Variants in PCNX1 observed in about 807,000 individuals in gnomAD.
PCNX1 encodes the protein pecanex 1.
A neutral mutation model predicts 242.2 loss-of-function variants in PCNX1; 78 were observed. That is an observed-to-expected ratio of 0.32 (90% CI 0.27 to 0.39). The LOEUF is 0.39. PCNX1 is among the 10% of genes least tolerant of loss of function. PCNX1 has a pLI of 1.00. For synonymous variants in PCNX1, 1,024 were observed against 1,032.9 expected, an observed-to-expected ratio of 0.99 and a Z score of 0.17; for missense variants, 2,581 against 2,856.5, an observed-to-expected ratio of 0.90 and a Z score of 2.20.
At chr14:71,003,207 G>C (rs2332506) in intron 8 of PCNX1, among the ~76,000 whole-genome samples, 82,480 of 150,636 alleles carry the variant, frequency 0.55, 23,627 homozygotes, top group East Asian at 0.74. Flanking sequence ...CCTCAGCCCC[G>C]CAAGTAGCTG....
Position 71,109,812 on chromosome 14 carries a change from G to T in PCNX1, c.6903G>T (p.Val2301=), listed in dbSNP as rs1177226449. The change falls in exon 36 of 36, where the codon GTG becomes GTT. Residue 2301 remains valine (V), a synonymous_variant. Coordinates refer to ENST00000304743, the MANE Select transcript of PCNX1 (RefSeq NM_014982.3). ...ATCATTAGGTGATTCACCGATGGGT[G>T]CCTTGCAGCAGAGATCCAGGTACCA... is the stretch of plus-strand genomic sequence containing the variant. The part of the protein sequence containing the change: ...GMEGHVIHRW[V]PCSRDPGTRS... The T allele has an allele frequency of 1.2e-6, 2 of 1,613,610 alleles. No homozygotes were observed. The highest frequency in any genetic ancestry group is 2.2e-5 in the East Asian group (1 of 44,882).
chr14:71,064,945 A>G (rs1473709719), intron 26 of PCNX1, among the ~76,000 whole-genome samples: 1 of 152,084 alleles, frequency 6.6e-6, no homozygotes, highest in Non-Finnish European at 1.5e-5. Flanking sequence ...AAGGCCATGA[A>G]CTCATCCTTT....
intron 11 of PCNX1, 110 bp downstream of exon 11, chr14:71,013,312 T>G (rs2059873133): frequency 1.2e-6 from 1 of 865,812 alleles, no homozygotes; most frequent in Admixed American, 1.7e-5. Flanking sequence ...GGAAATGTTT[T>G]CTGGTTTTGT....
chr14:71,111,145 CTG>C lies in PCNX1; in HGVS notation c.*1213_*1214del, dbSNP rs1302362423. The C allele has an allele frequency of 6.6e-6, 1 of 152,352 alleles. No individual in the cohort carries two copies. The highest frequency in any genetic ancestry group is 2.4e-5 in the African/African-American group (1 of 41,316). The allele number at this position is 152,352 out of a possible 1,614,324, so 9.4% of individuals were successfully genotyped here. On this transcript the variant is annotated 3_prime_UTR_variant, in exon 36 of 36. Coordinates refer to ENST00000304743, the MANE Select transcript of PCNX1 (RefSeq NM_014982.3). ...TAGCTGTAAATTGAAATATTTATAA[CTG>C]TGAAATTGACTTAATTCATATGTTG...
At chr14:71,037,641 A>G (rs1595337606) in intron 19 of PCNX1, among the ~76,000 whole-genome samples, 1 of 151,396 alleles carries the variant, frequency 6.6e-6, no homozygotes, top group Non-Finnish European at 1.5e-5. Flanking sequence ...GATGAAGCCC[A>G]CTTGATCATG....
intron 6 of PCNX1, among the ~76,000 whole-genome samples, chr14:70,983,876 CAAAG>C (rs982192521): frequency 6.6e-6 from 1 of 151,226 alleles, no homozygotes; most frequent in Non-Finnish European, 1.5e-5. Context: ...TCTTGGCTGA[CAAAG>C]AAACTAAGAA....
At chr14:70,967,176 C>A (rs1040202223) in intron 3 of PCNX1, among the ~76,000 whole-genome samples, 3 of 152,138 alleles carry the variant, frequency 2.0e-5, no homozygotes, top group African/African-American at 4.8e-5. Context: ...CTGTGTGCAC[C>A]CATTCAGTTG....
At chr14:71,090,694 A>T (rs1014258713) in intron 30 of PCNX1, among the ~76,000 whole-genome samples, 8 of 152,240 alleles carry the variant, frequency 5.3e-5, no homozygotes, top group African/African-American at 1.9e-4. Flanking sequence ...CATTTCTGGA[A>T]AGGTACCAAC....
intron 13 of PCNX1, among the ~76,000 whole-genome samples, chr14:71,024,677 T>A (rs143105274): frequency 0.015 from 2,288 of 152,272 alleles, 56 homozygotes; most frequent in African/African-American, 0.051. Flanking sequence ...TTAAGGGTAT[T>A]GTCTTCAAGG....
chr14:71,049,953 C>A (rs1191429983), intron 22 of PCNX1, among the ~76,000 whole-genome samples: 3 of 152,174 alleles, frequency 2.0e-5, no homozygotes, highest in Non-Finnish European at 2.9e-5. Context: ...CCACTGACAA[C>A]AATTAAGGTT....
intron 18 of PCNX1, 136 bp downstream of exon 18, chr14:71,034,172 A>G: frequency 1.8e-6 from 1 of 565,636 alleles, no homozygotes; most frequent in Admixed American, 3.3e-5. Context: ...TTAGTTGTAC[A>G]TTGTTGATTG....
At chr14:70,927,078 C>A (rs1314472583) in intron 1 of PCNX1, among the ~76,000 whole-genome samples, 2 of 152,164 alleles carry the variant, frequency 1.3e-5, no homozygotes, top group African/African-American at 4.8e-5. Context: ...GTACTTTCTT[C>A]AAAGGATTGT....
rs775615780 is a variant in PCNX1, at chr14:70,947,152, G to A, written c.362+29G>A. On this transcript the variant is annotated intron_variant, in intron 2 of 35. Transcript: ENST00000304743. ...AGGAAACCTATGTCATTGATTGATCGTAATGATTTAGATTGTGTTATCTGT... is the reference window on the plus strand; with the variant it reads ...AGGAAACCTATGTCATTGATTGATCATAATGATTTAGATTGTGTTATCTGT... 85 of 1,440,364 alleles carry A rather than the reference G, an allele frequency of 5.9e-5. No individual in the cohort carries two copies. In the South Asian group the frequency reaches 8.4e-4, roughly 14 times the overall value. The allele number at this position is 1,440,364 out of a possible 1,614,324, so 89.2% of individuals were successfully genotyped here. A position where few individuals can be genotyped will look rare whatever the true frequency, so the allele number is the denominator to read the frequency against.
At chr14:71,035,829 A>C (rs2060514326) in intron 18 of PCNX1, among the ~76,000 whole-genome samples, 1 of 152,154 alleles carries the variant, frequency 6.6e-6, no homozygotes, top group Non-Finnish European at 1.5e-5. Context: ...GAATCGCTTG[A>C]ACCCAGGAGG....
chr14:70,944,122 A>C (rs1276693965), intron 1 of PCNX1, among the ~76,000 whole-genome samples: 3 of 152,206 alleles, frequency 2.0e-5, no homozygotes, highest in Non-Finnish European at 2.9e-5. Flanking sequence ...CCCACTGGGC[A>C]TGGCCTAACA....
chr14:71,028,572 T>A, intron 15 of PCNX1, 128 bp from the exon 16 acceptor site: 1 of 569,052 alleles, frequency 1.8e-6, no homozygotes, highest in Middle Eastern at 4.7e-4. Context: ...ACTGAATTTC[T>A]GAAATTCAGA....
At position 71,113,365 on chromosome 14, in the gene PCNX1, T is replaced by A. The variant is rs900616037; in HGVS notation, c.*3430T>A. 1.3e-5 allele frequency: 2 copies of A among 152,656 alleles called. No homozygotes were observed. The highest frequency in any genetic ancestry group is 2.9e-5 in the Non-Finnish European group (2 of 68,044). The allele number at this position is 152,656 out of a possible 1,614,324, so 9.5% of individuals were successfully genotyped here. On this transcript the variant is annotated 3_prime_UTR_variant, in exon 36 of 36. Transcript: ENST00000304743. Reference sequence around the variant, plus strand: ...GTGAGATATGGAAAATTACTCTGTATACTAAATGTCAGGCAATGAAAATGT... The same window carrying A: ...GTGAGATATGGAAAATTACTCTGTAAACTAAATGTCAGGCAATGAAAATGT...
intron 33 of PCNX1, among the ~76,000 whole-genome samples, chr14:71,107,273 T>G (rs2062651629): frequency 6.6e-6 from 1 of 152,122 alleles, no homozygotes; most frequent in African/African-American, 2.4e-5. Flanking sequence ...TTCAATGGGA[T>G]TCAAGTGAAG....
Position 71,050,770 on chromosome 14 carries a change from TAATTA to T in PCNX1, c.4447+13_4447+17del. ...CCTTTTGCAGTGCCTCGTATCCTTCTAATTAAAGTTTTATAAGAATGGACAGTCAT... is the reference window on the plus strand; with the variant it reads ...CCTTTTGCAGTGCCTCGTATCCTTCTAAGTTTTATAAGAATGGACAGTCAT... On this transcript the variant is annotated intron_variant, in intron 23 of 35. Transcript: ENST00000304743. 1 of 1,609,864 alleles carries T rather than the reference TAATTA, an allele frequency of 6.2e-7. No individual in the cohort carries two copies. The highest frequency in any genetic ancestry group is 8.5e-7 in the Non-Finnish European group (1 of 1,178,542).
Sources: allele counts gnomAD v4.1 joint callset (sites outside exome capture counted in the v4.1 genomes callset), GRCh38; gene constraint gnomAD v4.1.1; transcripts MANE v1.5; gene names NCBI Gene and HGNC (gene_info 2026-07-23, HGNC 2026-07-21).